CACNA1H: variants seen among roughly 807,000 people sequenced by gnomAD.
CACNA1H encodes the protein calcium voltage-gated channel subunit alpha1 H, also known as voltage-dependent T-type calcium channel subunit alpha-1H.
CACNA1H carries 149 observed loss-of-function variants against 192.5 expected under a neutral mutation model. The observed-to-expected ratio is 0.77, with a 90% CI of 0.68 to 0.89. The LOEUF (loss-of-function observed/expected upper bound fraction) is 0.89, where lower values mean the gene tolerates loss of function less well. Ranked by LOEUF, CACNA1H falls within the 40% of genes least tolerant of loss-of-function variation. The probability of loss-of-function intolerance (pLI) is 0.00; values close to 1 mark genes in which losing one functional copy is unlikely to be tolerated. For missense variants in CACNA1H, 4,257 were observed against 3,423.5 expected, an observed-to-expected ratio of 1.24 and a Z score of -6.08; for synonymous variants, 2,202 against 1,475.2, an observed-to-expected ratio of 1.49 and a Z score of -11.29.
At chr16:1,202,547 C>A in intron 9 of CACNA1H, 95 bp downstream of exon 9, 1 of 1,084,918 alleles carries the variant, frequency 9.2e-7, no homozygotes, top group Non-Finnish European at 1.3e-6. Context: ...ATTGTGGGCA[C>A]TCTGATGAGC....
rs752537759 is a variant in CACNA1H at position 1,220,997 on chromosome 16, C to T, written c.*3C>T. The T allele has an allele frequency of 1.7e-5, 26 of 1,563,652 alleles. No individual in the cohort carries two copies. The highest frequency in any genetic ancestry group is 9.6e-5 in the African/African-American group (7 of 72,742). On this transcript the variant is annotated 3_prime_UTR_variant, in exon 35 of 35. Transcript: ENST00000348261. ...GTGGTGCAGATGACCCCGTGTAGCTCGGGGCTTGGTGCCGCCCACGGCTTT... is the reference window on the plus strand; with the variant it reads ...GTGGTGCAGATGACCCCGTGTAGCTTGGGGCTTGGTGCCGCCCACGGCTTT...
chr16:1,161,516 C>T (rs1040610619), intron 2 of CACNA1H, among the ~76,000 whole-genome samples: 1 of 152,196 alleles, frequency 6.6e-6, no homozygotes, highest in African/African-American at 2.4e-5. Flanking sequence ...AAAGACTCAG[C>T]CTCAACTGGG....
chr16:1,210,349 C>CCCCCT, intron 18 of CACNA1H, 21 bp from the exon 19 acceptor site: 1 of 501,590 alleles, frequency 2.0e-6, no homozygotes, highest in Admixed American at 3.1e-5. Flanking sequence ...CCCCACCTCT[C>CCCCCT]ACCCGCCCCC....
chr16:1,172,093 A>T (rs772039466), intron 2 of CACNA1H, among the ~76,000 whole-genome samples: 4 of 151,778 alleles, frequency 2.6e-5, no homozygotes, highest in Non-Finnish European at 5.9e-5. Flanking sequence ...CAGGTGTCAG[A>T]CGTCACCGGG....
At chr16:1,168,295 C>T (rs1192138465) in intron 2 of CACNA1H, among the ~76,000 whole-genome samples, 2 of 152,134 alleles carry the variant, frequency 1.3e-5, no homozygotes, top group Non-Finnish European at 2.9e-5. Flanking sequence ...TCTCCTCCCT[C>T]CTAGGGCCTG....
chr16:1,202,245 G>A lies in CACNA1H; in HGVS notation c.1795G>A (p.Ala599Thr), dbSNP rs776370351. 100 of 1,564,500 alleles carry A rather than the reference G, an allele frequency of 6.4e-5. No individual in the cohort carries two copies. In the African/African-American group the frequency reaches 9.4e-4, roughly 15 times the overall value. The change falls in exon 9 of 35, where the codon GCT (alanine) becomes ACT (threonine). Residue 599 changes from alanine (A) to threonine (T), a missense_variant. Physicochemically the swap from Ala to Thr is moderately conservative, Grantham distance 58. Coordinates refer to ENST00000348261, the MANE Select transcript of CACNA1H (RefSeq NM_021098.3). ...GGTGGCACATGCCGCAGCCACTGCC[G>A]CTGCCAGCCTCAGACTGGCCACAGG... ...ARVAHAAATA[A>T]ASLRLATGLG... is the part of the protein sequence containing the mutation.
rs1278724277 is a variant in CACNA1H, at chr16:1,180,511, C to T, written c.300-14461C>T. On this transcript the variant is annotated intron_variant, in intron 2 of 34. Coordinates refer to ENST00000348261, the MANE Select transcript of CACNA1H (RefSeq NM_021098.3). This position sits in a 1 kb window ranked among gnomAD's most constrained non-coding sequence, Gnocchi z 4.4. ...CCTGGTGTCCCTGGCGTCCCCATAC[C>T]CCCTCCGAGGCACAGCCACAGTCTC... 6.6e-6 allele frequency among the ~76,000 whole-genome samples: 1 copy of T among 152,132 alleles called. No homozygotes were observed. The highest frequency in any genetic ancestry group is 1.5e-5 in the Non-Finnish European group (1 of 67,992).
intron 2 of CACNA1H, among the ~76,000 whole-genome samples, chr16:1,158,140 C>T (rs571134202): frequency 4.6e-5 from 7 of 152,326 alleles, no homozygotes; most frequent in South Asian, 4.1e-4. Context: ...GGCCTACCCA[C>T]GAGAGGGCTG....
Position 1,157,442 on chromosome 16 carries a change from C to T in CACNA1H, c.299+3406C>T, listed in dbSNP as rs1005516489. Among the ~76,000 whole-genome samples, 9 of 152,270 alleles carry T rather than the reference C, an allele frequency of 5.9e-5. No individual in the cohort carries two copies. The South Asian group carries it at 8.3e-4, about 14-fold the overall frequency. On this transcript the variant is annotated intron_variant, in intron 2 of 34. Coordinates refer to ENST00000348261, the MANE Select transcript of CACNA1H (RefSeq NM_021098.3). ...TGGCAGAGCGCTGCCTGGGTGGGGACGAGCTGCGGGAGCCTGAGACAGCCC... is the reference window on the plus strand; with the variant it reads ...TGGCAGAGCGCTGCCTGGGTGGGGATGAGCTGCGGGAGCCTGAGACAGCCC...
chr16:1,199,749 G>A lies in CACNA1H; in HGVS notation c.804-507G>A, dbSNP rs186851724. ...CCAGGGTCCCCTGAGCCCACACCCC[G>A]GGGTTCCCTGCCCTCAGCCCTCACC... On this transcript the variant is annotated intron_variant, in intron 6 of 34. Coordinates refer to ENST00000348261, the MANE Select transcript of CACNA1H (RefSeq NM_021098.3). Among the ~76,000 whole-genome samples, 77 of 147,720 alleles carry A rather than the reference G, an allele frequency of 5.2e-4. 1 individual carries two copies. The highest frequency in any genetic ancestry group is 2.1e-3 in the Admixed American group (31 of 14,966).
At position 1,195,381 on chromosome 16, in the gene CACNA1H, G is replaced by GTGGGC. The variant is rs1455142708; in HGVS notation, c.412-48_412-44dup. The GTGGGC allele has an allele frequency of 2.6e-6, 4 of 1,548,318 alleles. No homozygotes were observed. The African/African-American group carries it at 4.1e-5, about 16-fold the overall frequency. On this transcript the variant is annotated intron_variant, in intron 3 of 34. Transcript: ENST00000348261. The stretch of plus-strand genomic sequence containing the variant: ...TCTTGCGGGGCTGGGGTTGGGGGTT[G>GTGGGC]TGGGCTGAGCTGAGCTGTTCCACGG...
chr16:1,220,495 G>A lies in CACNA1H; in HGVS notation c.6563G>A (p.Ser2188Asn), dbSNP rs898257627. 3.9e-6 allele frequency: 6 copies of A among 1,542,678 alleles called. No homozygotes were observed. The highest frequency in any genetic ancestry group is 4.3e-6 in the Non-Finnish European group (5 of 1,153,166). The change falls in exon 35 of 35, where the codon AGC (serine) becomes AAC (asparagine). Residue 2188 changes from serine to asparagine, a missense_variant. By Grantham distance (46) the Ser-to-Asn change is conservative (BLOSUM62 1). Coordinates refer to ENST00000348261, the MANE Select transcript of CACNA1H (RefSeq NM_021098.3). ...GGTGCGCGCAGAAAGAAGAAGATGA[G>A]CCCCCCCTGCATCTCGGTGGAACCC... ...ALGARRKKKM[S>N]PPCISVEPPA...
chr16:1,160,999 T>C (rs111963601), intron 2 of CACNA1H, among the ~76,000 whole-genome samples: 3,707 of 152,148 alleles, frequency 0.024, 48 homozygotes, highest in African/African-American at 0.036. Flanking sequence ...AGGGAGAGGA[T>C]CCGGAGGCCC....
intron 2 of CACNA1H, among the ~76,000 whole-genome samples, chr16:1,176,423 G>A (rs903885944): frequency 7.1e-4 from 108 of 152,322 alleles, no homozygotes; most frequent in African/African-American, 2.3e-3. Flanking sequence ...TCCTACTCTC[G>A]GCAGCACCAG....
Position 1,167,785 on chromosome 16 carries a change from C to A in CACNA1H, c.299+13749C>A, listed in dbSNP as rs980316519. On this transcript the variant is annotated intron_variant, in intron 2 of 34. Transcript: ENST00000348261. The surrounding 1 kb of genome is among the most constrained non-coding windows in gnomAD (Gnocchi z 4.2). The stretch of plus-strand genomic sequence containing the variant: ...ACACCCAGACACGGGAAACGGGACA[C>A]CTGGAGCTGTGGCGCTGGTGTGTGC... Among the ~76,000 whole-genome samples the A allele has an allele frequency of 6.6e-6, 1 of 152,200 alleles. No individual in the cohort carries two copies. Among genetic ancestry groups the A allele is most frequent in the Non-Finnish European group, 1.5e-5 (1 of 68,042 alleles).
At chr16:1,182,152 C>T (rs1013484840) in intron 2 of CACNA1H, among the ~76,000 whole-genome samples, 3 of 152,148 alleles carry the variant, frequency 2.0e-5, no homozygotes, top group Non-Finnish European at 2.9e-5. Context: ...CCTGAGACAG[C>T]GCAGGTGATG....
At position 1,206,156 on chromosome 16, in the gene CACNA1H, T is replaced by C; in HGVS notation, c.2656T>C (p.Phe886Leu). 1 of 1,586,018 alleles carries C rather than the reference T, an allele frequency of 6.3e-7. No individual in the cohort carries two copies. Among genetic ancestry groups the C allele is most frequent in the Non-Finnish European group, 8.6e-7 (1 of 1,168,058 alleles). ...CGGTGGCTTGTCTGTGCTGCGCACC[T>C]TCCGGCTGCTGCGTGTGCTGAAGCT... ...ADGGLSVLRT[F>L]RLLRVLKLVR... is the part of the protein sequence containing the mutation. The change falls in exon 12 of 35, where the codon TTC becomes CTC. Residue 886 changes from phenylalanine to leucine, a missense_variant. Coordinates refer to ENST00000348261, the MANE Select transcript of CACNA1H (RefSeq NM_021098.3).
rs1224618238 is a variant in CACNA1H at position 1,218,297 on chromosome 16, C to T, written c.5533C>T (p.Leu1845=). 1.3e-6 allele frequency: 2 copies of T among 1,554,392 alleles called. No individual in the cohort carries two copies. Among genetic ancestry groups the T allele is most frequent in the Non-Finnish European group, 1.7e-6 (2 of 1,149,258 alleles). Residue 1845 remains leucine, a synonymous_variant, in exon 33 of 35, where the codon CTG becomes TTG. Transcript: ENST00000348261. ...GCCCGTCTACTTCGTGACCTTCGTG[C>T]TGGTGGCCCAGTTCGTGCTGGTGAA... ...LSPVYFVTFV[L]VAQFVLVNVV... is the part of the protein sequence containing the mutation.
Position 1,167,291 on chromosome 16 carries a change from G to T in CACNA1H, c.299+13255G>T, listed in dbSNP as rs1199747641. 6.6e-6 allele frequency among the ~76,000 whole-genome samples: 1 copy of T among 152,110 alleles called. No homozygotes were observed. The highest frequency in any genetic ancestry group is 1.5e-5 in the Non-Finnish European group (1 of 68,028). ...GGTGGGTGGGGCTTGCCGGCCGCCC[G>T]CGAATGTCAGGAACCTTGGATTCCT... On this transcript the variant is annotated intron_variant, in intron 2 of 34. Transcript: ENST00000348261. This position sits in a 1 kb window ranked among gnomAD's most constrained non-coding sequence, Gnocchi z 4.2.
Sources: gnomAD v4.1 joint callset for allele counts (sites outside exome capture counted in the v4.1 genomes callset) on GRCh38, gnomAD v4.1.1 for gene constraint, Gnocchi (gnomAD v3.1) non-coding constraint, MANE v1.5 for transcripts, NCBI Gene and HGNC (gene_info 2026-07-23, HGNC 2026-07-21) for gene names.